Variants in DENND4C observed in about 807,000 individuals in gnomAD.
The protein encoded by DENND4C is DENN domain containing 4C, also known as DENN domain-containing protein 4C.
DENND4C carries 108 observed loss-of-function variants against 203.0 expected under a neutral mutation model. The ratio of observed to expected loss-of-function variants is 0.53; its 90% CI spans 0.46 to 0.62. The LOEUF is 0.62. DENND4C is among the 20% of genes least tolerant of loss of function. DENND4C has a pLI of 0.00. For synonymous variants in DENND4C, 871 were observed against 792.4 expected, an observed-to-expected ratio of 1.10 and a Z score of -1.67; for missense variants, 2,481 against 2,301.2, an observed-to-expected ratio of 1.08 and a Z score of -1.60.
rs1228899661 is a variant in DENND4C, at chr9:19,305,623, AGTT to A, written c.1487+100_1487+102del. 4.3e-5 allele frequency: 55 copies of A among 1,285,132 alleles called. No homozygotes were observed. In the African/African-American group the frequency reaches 5.5e-4, roughly 13 times the overall value. The allele number at this position is 1,285,132 out of a possible 1,614,324, so 79.6% of individuals were successfully genotyped here. A position where few individuals can be genotyped will look rare whatever the true frequency, so the allele number is the denominator to read the frequency against. ...CATCTAGAAATATGCTATTTTTGGT[AGTT>A]GTTAAATCTTCGTCTTAAATACAGC... On this transcript the variant is annotated intron_variant, in intron 10 of 32. Coordinates refer to ENST00000434457, the MANE Select transcript of DENND4C (RefSeq NM_001330640.2).
chr9:19,240,065 C>T (rs533947924), intron 1 of DENND4C, among the ~76,000 whole-genome samples: 1 of 152,236 alleles, frequency 6.6e-6, no homozygotes, highest in East Asian at 1.9e-4. Context: ...TCAGGTATGT[C>T]AGTTTTTGCT....
At chr9:19,244,024 G>C (rs532978449) in intron 1 of DENND4C, among the ~76,000 whole-genome samples, 1 of 151,818 alleles carries the variant, frequency 6.6e-6, no homozygotes, top group African/African-American at 2.4e-5. Context: ...GTGTTGTCCA[G>C]GCTGGTCTTT....
At chr9:19,248,495 T>G (rs1171603230) in intron 1 of DENND4C, among the ~76,000 whole-genome samples, 1 of 151,916 alleles carries the variant, frequency 6.6e-6, no homozygotes, top group African/African-American at 2.4e-5. Flanking sequence ...GTTCAAGCGA[T>G]TCTCCTGCCT....
intron 12 of DENND4C, among the ~76,000 whole-genome samples, chr9:19,318,951 CTGAGGTCAGG>C (rs1449729499): frequency 6.6e-6 from 1 of 151,992 alleles, no homozygotes; most frequent in East Asian, 1.9e-4. Flanking sequence ...GGCTGATCAC[CTGAGGTCAGG>C]AGTTTGAGAC....
intron 22 of DENND4C, among the ~76,000 whole-genome samples, chr9:19,344,395 G>T (rs972764416): frequency 6.6e-6 from 1 of 152,206 alleles, no homozygotes; most frequent in African/African-American, 2.4e-5. Context: ...AATTTGGCAG[G>T]CTGGAGGGAA....
At chr9:19,350,652 C>T (rs369261521) in intron 23 of DENND4C, 50 bp from the exon 24 acceptor site, 5 of 1,497,340 alleles carry the variant, frequency 3.3e-6, no homozygotes, top group South Asian at 1.2e-5. Context: ...TATAATCCCA[C>T]TGGAGAAGGT....
intron 2 of DENND4C, among the ~76,000 whole-genome samples, chr9:19,284,616 G>A (rs1240499206): frequency 6.6e-6 from 1 of 151,874 alleles, no homozygotes; most frequent in Non-Finnish European, 1.5e-5. Flanking sequence ...CAAAGTATGT[G>A]GTCTGACATA....
chr9:19,304,713 CTT>C (rs766700841), intron 9 of DENND4C, among the ~76,000 whole-genome samples: 23 of 133,158 alleles, frequency 1.7e-4, no homozygotes, highest in Non-Finnish European at 2.0e-4. Flanking sequence ...ATTTTTTGTA[CTT>C]TTTTTTTTTT....
At chr9:19,254,227 A>G (rs575575144) in intron 1 of DENND4C, among the ~76,000 whole-genome samples, 1 of 152,314 alleles carries the variant, frequency 6.6e-6, no homozygotes, top group African/African-American at 2.4e-5. Flanking sequence ...CAGCAATCCC[A>G]CTTCTAGGTA....
chr9:19,298,307 G>A (rs1214199035), intron 7 of DENND4C, among the ~76,000 whole-genome samples, 185 bp downstream of exon 7: 2 of 152,062 alleles, frequency 1.3e-5, no homozygotes, highest in African/African-American at 4.8e-5. Context: ...TGAGTGTACT[G>A]AATTGGAATA....
At chr9:19,266,404 A>T (rs1830508539) in intron 1 of DENND4C, among the ~76,000 whole-genome samples, 1 of 152,158 alleles carries the variant, frequency 6.6e-6, no homozygotes, top group Non-Finnish European at 1.5e-5. Flanking sequence ...CCTGTTCTAT[A>T]GGTTGCCTGT....
intron 9 of DENND4C, among the ~76,000 whole-genome samples, chr9:19,300,950 T>C (rs1360735298): frequency 6.6e-6 from 1 of 151,982 alleles, no homozygotes; most frequent in Admixed American, 6.6e-5. Context: ...GAGGCTGAGG[T>C]AGGCGGATCA....
At chr9:19,253,962 G>A (rs1827284103) in intron 1 of DENND4C, among the ~76,000 whole-genome samples, 1 of 152,128 alleles carries the variant, frequency 6.6e-6, no homozygotes, top group African/African-American at 2.4e-5. Flanking sequence ...GCAACATAGT[G>A]AGATACCATG....
rs139309781 is a variant in DENND4C at position 19,316,422 on chromosome 9, A to G, written c.1493A>G (p.Asp498Gly). 24 of 1,612,716 alleles carry G rather than the reference A, an allele frequency of 1.5e-5. No individual in the cohort carries two copies. Among genetic ancestry groups the G allele is most frequent in the Middle Eastern group, 1.6e-4 (1 of 6,082 alleles). ...ATTTTGTTCTGATTTAATAGATCAG[A>G]TGAAAAGAAGAACATGAACTGGAAG... The part of the protein sequence containing the change: ...DLDTNMLYVS[D>G]EKKNMNWKQL... Residue 498 changes from aspartate (D) to glycine (G), a missense_variant, in exon 11 of 33, where the codon GAT (aspartate) becomes GGT (glycine). Around this residue, in one of 3 missense-constraint regions of DENND4C, gnomAD observed 2,289 missense variants for 2,113.3 expected, o/e 1.08. Coordinates refer to ENST00000434457, the MANE Select transcript of DENND4C (RefSeq NM_001330640.2).
chr9:19,370,185 C>T (rs1490290694), intron 31 of DENND4C, 198 bp downstream of exon 31: 10 of 605,480 alleles, frequency 1.7e-5, no homozygotes, highest in Middle Eastern at 5.1e-4. Flanking sequence ...GGGCTTGGCA[C>T]GGTGGCTCAC....
chr9:19,316,944 A>G (rs1841955607), intron 12 of DENND4C, 105 bp downstream of exon 12: 2 of 1,043,726 alleles, frequency 1.9e-6, no homozygotes, highest in South Asian at 4.4e-5. Flanking sequence ...ACAAATTCAC[A>G]TTCAAATATA....
intron 5 of DENND4C, among the ~76,000 whole-genome samples, chr9:19,293,773 C>G (rs1455147835): frequency 6.6e-6 from 1 of 152,206 alleles, no homozygotes; most frequent in Non-Finnish European, 1.5e-5. Flanking sequence ...CATCATGCCA[C>G]TTACACGGAC....
intron 1 of DENND4C, among the ~76,000 whole-genome samples, chr9:19,253,104 A>G (rs968254395): frequency 4.6e-5 from 7 of 152,222 alleles, no homozygotes; most frequent in Non-Finnish European, 5.9e-5. Flanking sequence ...TTAGATGCAT[A>G]TGCCTTCTTA....
intron 29 of DENND4C, among the ~76,000 whole-genome samples, chr9:19,361,219 T>C (rs1241228719): frequency 6.6e-6 from 1 of 152,176 alleles, no homozygotes; most frequent in Admixed American, 6.5e-5. Flanking sequence ...AACCACCTTA[T>C]TTGAAAGGAC....
Sources: allele counts gnomAD v4.1 joint callset (sites outside exome capture counted in the v4.1 genomes callset), GRCh38; gene constraint gnomAD v4.1.1; regional missense constraint gnomAD v4.1.1; transcripts MANE v1.5; gene names NCBI Gene and HGNC (gene_info 2026-07-23, HGNC 2026-07-21).